SLC7A9: variants seen among roughly 807,000 people sequenced by gnomAD.
SLC7A9 encodes solute carrier family 7 member 9.
Under a neutral mutation model 54.1 loss-of-function variants are expected in SLC7A9, and 38 were observed. The ratio of observed to expected loss-of-function variants is 0.70; its 90% CI spans 0.54 to 0.92. The LOEUF (loss-of-function observed/expected upper bound fraction) is 0.92, where lower values mean the gene tolerates loss of function less well. Among genes scored for constraint, SLC7A9 ranks in the 40% least tolerant of loss-of-function variants. SLC7A9 has a pLI of 0.00. For synonymous variants in SLC7A9, 264 were observed against 258.9 expected (o/e 1.02, Z -0.19); for missense variants, 537 against 636.1 (o/e 0.84, Z 1.68).
At chr19:32,862,057 GT>G (rs1265607550) in intron 6 of SLC7A9, 60 bp downstream of exon 6, 2 of 1,077,482 alleles carry the variant, frequency 1.9e-6, no homozygotes, top group Non-Finnish European at 1.4e-6. Flanking sequence ...GACAGGTGGA[GT>G]TAAAGTCACC....
chr19:32,849,212 C>CA (rs1407816844), intron 9 of SLC7A9, among the ~76,000 whole-genome samples: 3 of 151,944 alleles, frequency 2.0e-5, no homozygotes, highest in African/African-American at 4.8e-5. Context: ...AATAGAGACA[C>CA]AAAAAACCCT....
chr19:32,867,400 C>T (rs926872105), intron 2 of SLC7A9, among the ~76,000 whole-genome samples: 9 of 151,994 alleles, frequency 5.9e-5, no homozygotes, highest in Non-Finnish European at 1.0e-4. Flanking sequence ...TCCTGTAGTC[C>T]CAGCTACTCA....
rs1968889278 is a variant in SLC7A9 at position 32,864,147 on chromosome 19, C to T, written c.427G>A (p.Gly143Ser). 1 of 1,614,080 alleles carries T rather than the reference C, an allele frequency of 6.2e-7. No individual in the cohort carries two copies. The highest frequency in any genetic ancestry group is 2.2e-5 in the East Asian group (1 of 44,902). ...SEYVCAPFYVGCKPPQIVVKC... is the reference protein window; with the variant it reads ...SEYVCAPFYVSCKPPQIVVKC... ...ACAACGATTTGAGGAGGCTTGCAGC[C>T]CACATAGAAGGGCGCACACACATAC... Residue 143 changes from glycine to serine, a missense_variant, in exon 4 of 13, where the codon GGC (glycine) becomes AGC (serine). Physicochemically the swap from Gly to Ser is moderately conservative, Grantham distance 56. Coordinates refer to ENST00000023064, the MANE Select transcript of SLC7A9 (RefSeq NM_014270.5).
chr19:32,854,130 A>G (rs1320505695), intron 9 of SLC7A9, among the ~76,000 whole-genome samples: 4 of 151,524 alleles, frequency 2.6e-5, no homozygotes, highest in Non-Finnish European at 5.9e-5. Context: ...CTCCCACCTC[A>G]GTCTCCTGAG....
chr19:32,864,862 A>G (rs925003757), intron 2 of SLC7A9, 86 bp from the exon 3 acceptor site: 3 of 1,583,072 alleles, frequency 1.9e-6, no homozygotes, highest in Non-Finnish European at 2.6e-6. Flanking sequence ...CGGTACGGCC[A>G]GGGCGGCCCC....
At chr19:32,863,666 C>T (rs753054740) in intron 4 of SLC7A9, among the ~76,000 whole-genome samples, 19 of 152,296 alleles carry the variant, frequency 1.2e-4, no homozygotes, top group Non-Finnish European at 1.9e-4. Flanking sequence ...CGGCCCACCC[C>T]TACTCCCCCA....
chr19:32,869,116 G>A (rs1010150847), intron 1 of SLC7A9, among the ~76,000 whole-genome samples: 8 of 151,488 alleles, frequency 5.3e-5, no homozygotes, highest in South Asian at 2.1e-4. Context: ...CCAGCTACTC[G>A]GGAGGCTGAG....
intron 8 of SLC7A9, 136 bp from the exon 9 acceptor site, chr19:32,858,679 T>G (rs1262494272): frequency 1.4e-6 from 1 of 693,662 alleles, no homozygotes; most frequent in Non-Finnish European, 2.6e-6. Context: ...ACTCCTCCAC[T>G]GCAGAGGAGA....
At chr19:32,846,244 G>A (rs1968289214) in intron 9 of SLC7A9, among the ~76,000 whole-genome samples, 1 of 152,208 alleles carries the variant, frequency 6.6e-6, no homozygotes, top group Non-Finnish European at 1.5e-5. Flanking sequence ...GAAGCACAAG[G>A]GGTCAGGGAG....
chr19:32,862,494 T>C lies in SLC7A9; in HGVS notation c.571A>G (p.Ile191Val). 1 of 1,613,422 alleles carries C rather than the reference T, an allele frequency of 6.2e-7. No homozygotes were observed. Among genetic ancestry groups the C allele is most frequent in the Non-Finnish European group, 8.5e-7 (1 of 1,180,002 alleles). Residue 191 changes from isoleucine (I) to valine (V), a missense_variant, in exon 5 of 13, where the codon ATC becomes GTC. Physicochemically the swap from Ile to Val is conservative, Grantham distance 29. Coordinates refer to ENST00000023064, the MANE Select transcript of SLC7A9 (RefSeq NM_014270.5). ...AGGAGCACCAGCCCGCTGATGATGATGATGGCCACGATCACCAGCTTGGCC... is the reference window on the plus strand; with the variant it reads ...AGGAGCACCAGCCCGCTGATGATGACGATGGCCACGATCACCAGCTTGGCC... ...TAAKLVIVAI[I>V]IISGLVLLAQ... is the part of the protein sequence containing the mutation.
chr19:32,857,238 G>C (rs538163001), intron 9 of SLC7A9, among the ~76,000 whole-genome samples: 4 of 152,194 alleles, frequency 2.6e-5, no homozygotes, highest in South Asian at 4.2e-4. Flanking sequence ...TGAGCCAGGA[G>C]TTCGAAATGG....
chr19:32,866,467 A>G (rs1441105719), intron 2 of SLC7A9, among the ~76,000 whole-genome samples: 2 of 152,074 alleles, frequency 1.3e-5, no homozygotes, highest in African/African-American at 4.8e-5. Flanking sequence ...TCTGTCACCC[A>G]GGCTTGGAGT....
chr19:32,839,484 C>T (rs1040933474), intron 11 of SLC7A9, among the ~76,000 whole-genome samples: 2 of 145,804 alleles, frequency 1.4e-5, no homozygotes, highest in Non-Finnish European at 3.0e-5. Flanking sequence ...ACCCAGGAGG[C>T]GGAGGTTACA....
Position 32,857,793 on chromosome 19 carries a change from C to A in SLC7A9, c.977+647G>T, listed in dbSNP as rs532022681. Among the ~76,000 whole-genome samples, 35 of 152,296 alleles carry A rather than the reference C, an allele frequency of 2.3e-4. No homozygotes were observed. The South Asian group carries it at 7.0e-3, about 31-fold the overall frequency. ...GTGATACAACACAGCTGGTGGCAGT[C>A]TCTAGACCAGATGGGTCTAAAGGAT... is the stretch of plus-strand genomic sequence containing the variant. On this transcript the variant is annotated intron_variant, in intron 9 of 12. Transcript: ENST00000023064.
In SLC7A9 at chr19:32,858,417, G is replaced by C. The variant is rs775741512; in HGVS notation, c.977+23C>G. ...CTTTCGCCGCCCCTGTCCACCCTGG[G>C]AGTGACGGTGGGGGTCCCCTACCTG... On this transcript the variant is annotated intron_variant, in intron 9 of 12. Transcript: ENST00000023064. 2.0e-6 allele frequency: 3 copies of C among 1,531,356 alleles called. No homozygotes were observed. In the South Asian group the frequency reaches 3.4e-5, roughly 17 times the overall value. 94.9% of individuals were successfully genotyped at this position (1,531,356 alleles called of 1,614,324 possible).
intron 4 of SLC7A9, chr19:32,862,816 T>G: frequency 3.2e-6 from 1 of 314,200 alleles, no homozygotes; most frequent in Middle Eastern, 1.1e-3. Context: ...GGACGACAGG[T>G]GCACGCCACT....
chr19:32,860,388 C>A, intron 7 of SLC7A9: 1 of 1,351,724 alleles, frequency 7.4e-7, no homozygotes. Context: ...AAAATCTCAT[C>A]TCTACTAAAA....
intron 9 of SLC7A9, among the ~76,000 whole-genome samples, chr19:32,857,314 C>T (rs948672147): frequency 3.3e-5 from 5 of 150,858 alleles, no homozygotes; most frequent in African/African-American, 2.4e-5. Context: ...TGTGATGGCA[C>T]GTGCCTGTGG....
chr19:32,855,513 C>T (rs886120017), intron 9 of SLC7A9, among the ~76,000 whole-genome samples: 7 of 152,104 alleles, frequency 4.6e-5, no homozygotes, highest in Non-Finnish European at 8.8e-5. Flanking sequence ...TCCTGGCAAA[C>T]ACGGTGAAAC....
Sources: gnomAD v4.1 joint callset for allele counts (sites outside exome capture counted in the v4.1 genomes callset) on GRCh38, gnomAD v4.1.1 for gene constraint, MANE v1.5 for transcripts, NCBI Gene and HGNC (gene_info 2026-07-23, HGNC 2026-07-21) for gene names.